Variants in RABEP1 observed in about 807,000 individuals in gnomAD.
RABEP1 encodes the protein rabaptin, RAB GTPase binding effector protein 1.
RABEP1 carries 51 observed loss-of-function variants against 123.4 expected under a neutral mutation model. The ratio of observed to expected loss-of-function variants is 0.41; its 90% CI spans 0.33 to 0.52. The LOEUF (loss-of-function observed/expected upper bound fraction) is 0.52. Ranked by LOEUF, RABEP1 falls within the 20% of genes least tolerant of loss-of-function variation. The probability of loss-of-function intolerance (pLI) is 0.16; values close to 1 mark genes in which losing one functional copy is unlikely to be tolerated. For synonymous variants in RABEP1, 347 were observed against 355.2 expected (o/e 0.98, Z 0.26); for missense variants, 888 against 996.3 (o/e 0.89, Z 1.46).
intron 11 of RABEP1, 58 bp from the exon 12 acceptor site, chr17:5,368,312 G>A: frequency 1.7e-6 from 2 of 1,170,202 alleles, no homozygotes; most frequent in South Asian, 1.3e-5. Context: ...AGATGGAAGA[G>A]TTAGTTTCAG....
intron 2 of RABEP1, among the ~76,000 whole-genome samples, chr17:5,327,153 G>A (rs1302206370): frequency 6.6e-6 from 1 of 152,124 alleles, no homozygotes; most frequent in Non-Finnish European, 1.5e-5. Flanking sequence ...TTCGAGATCA[G>A]CCTGGCCAAC....
chr17:5,371,843 T>C (rs1402958944), intron 12 of RABEP1, among the ~76,000 whole-genome samples: 1 of 152,198 alleles, frequency 6.6e-6, no homozygotes, highest in Non-Finnish European at 1.5e-5. Flanking sequence ...TCTCCTCTAT[T>C]GGACCATGAG....
rs775981279 is a variant in RABEP1 at position 5,383,162 on chromosome 17, G to A, written c.2528G>A (p.Arg843Lys). The part of the protein sequence containing the change: ...ERIRQADSLE[R>K]IRAILNDTKL... Reference sequence around the variant, plus strand: ...ATCCGGCAAGCTGACTCCTTGGAGAGAATCCGGGCAATTCTGAATGATACT... The same window carrying A: ...ATCCGGCAAGCTGACTCCTTGGAGAAAATCCGGGCAATTCTGAATGATACT... Residue 843 changes from arginine (R) to lysine (K), a missense_variant, in exon 18 of 18, where the codon AGA becomes AAA. Transcript: ENST00000537505. 2 of 1,614,168 alleles carry A rather than the reference G, an allele frequency of 1.2e-6. No individual in the cohort carries two copies. The highest frequency in any genetic ancestry group is 1.7e-6 in the Non-Finnish European group (2 of 1,180,022).
At chr17:5,367,815 T>C (rs1910189369) in intron 11 of RABEP1, among the ~76,000 whole-genome samples, 1 of 149,580 alleles carries the variant, frequency 6.7e-6, no homozygotes, top group Non-Finnish European at 1.5e-5. Flanking sequence ...GAGTACAGGG[T>C]GCGTTCTGGG....
At chr17:5,381,162 C>T (rs1405032859) in intron 16 of RABEP1, among the ~76,000 whole-genome samples, 2 of 152,096 alleles carry the variant, frequency 1.3e-5, no homozygotes, top group East Asian at 3.9e-4. Flanking sequence ...GCACTTTAAT[C>T]CATTTCTTCC....
rs573681165 is a variant in RABEP1, at chr17:5,360,808, A to T, written c.1096-400A>T. On this transcript the variant is annotated intron_variant, in intron 8 of 17. Transcript: ENST00000537505. ...GGGAATATCTCTGCTTGGATTCATGATAGGCACCTCGCGCTTGACACACGC... is the reference window on the plus strand; with the variant it reads ...GGGAATATCTCTGCTTGGATTCATGTTAGGCACCTCGCGCTTGACACACGC... Among the ~76,000 whole-genome samples, 10 of 152,236 alleles carry T rather than the reference A, an allele frequency of 6.6e-5. No homozygotes were observed. In the South Asian group the frequency reaches 2.1e-3, roughly 32 times the overall value.
chr17:5,330,125 G>C (rs1906391259), intron 2 of RABEP1, among the ~76,000 whole-genome samples: 2 of 152,060 alleles, frequency 1.3e-5, no homozygotes, highest in Non-Finnish European at 2.9e-5. Flanking sequence ...CACATTTTAT[G>C]AAACAGTTTA....
intron 17 of RABEP1, among the ~76,000 whole-genome samples, chr17:5,382,025 C>T (rs982260006): frequency 1.3e-5 from 2 of 152,028 alleles, no homozygotes; most frequent in Non-Finnish European, 2.9e-5. Flanking sequence ...CCTGTAATGA[C>T]ACAATGACAT....
chr17:5,365,593 T>C (rs1337301974), intron 11 of RABEP1, among the ~76,000 whole-genome samples: 1 of 151,962 alleles, frequency 6.6e-6, no homozygotes, highest in African/African-American at 2.4e-5. Flanking sequence ...CATATACAGA[T>C]ACACCAAACA....
At chr17:5,317,908 A>G (rs2075314014) in intron 2 of RABEP1, among the ~76,000 whole-genome samples, 1 of 152,190 alleles carries the variant, frequency 6.6e-6, no homozygotes, top group South Asian at 2.1e-4. Context: ...AAAGCCTCTA[A>G]TAACTAAAAA....
chr17:5,376,800 G>A (rs1260846364), intron 13 of RABEP1, among the ~76,000 whole-genome samples: 1 of 152,126 alleles, frequency 6.6e-6, no homozygotes, highest in Non-Finnish European at 1.5e-5. Flanking sequence ...TAATAGTAGA[G>A]GATTCTAAGG....
intron 2 of RABEP1, among the ~76,000 whole-genome samples, chr17:5,331,131 C>T (rs992645522): frequency 2.9e-5 from 4 of 139,426 alleles, no homozygotes; most frequent in African/African-American, 5.4e-5. Context: ...ATAAAATGCT[C>T]TTACAGATCA....
chr17:5,306,477 T>C (rs953645977), intron 1 of RABEP1, among the ~76,000 whole-genome samples: 4 of 151,716 alleles, frequency 2.6e-5, no homozygotes, highest in Admixed American at 6.6e-5. Context: ...AAAATACAAA[T>C]ATTAGCTGGG....
intron 17 of RABEP1, among the ~76,000 whole-genome samples, 197 bp from the exon 18 acceptor site, chr17:5,382,925 C>T (rs1314224329): frequency 6.9e-6 from 1 of 144,840 alleles, no homozygotes; most frequent in Non-Finnish European, 1.5e-5. Flanking sequence ...CAAAACTCTC[C>T]CCCCCAAAAA....
At chr17:5,299,578 C>T (rs62075063) in intron 1 of RABEP1, among the ~76,000 whole-genome samples, 94 of 149,672 alleles carry the variant, frequency 6.3e-4, no homozygotes, top group African/African-American at 2.2e-3. Context: ...CCTTATATTA[C>T]GTGGTTCTGA....
At chr17:5,367,396 T>G (rs150231236) in intron 11 of RABEP1, among the ~76,000 whole-genome samples, 14 of 150,538 alleles carry the variant, frequency 9.3e-5, no homozygotes, top group Admixed American at 7.9e-4. Flanking sequence ...CTCAGCCTCC[T>G]GAGTAGCTGG....
intron 16 of RABEP1, 90 bp from the exon 17 acceptor site, chr17:5,381,299 G>C: frequency 6.5e-7 from 1 of 1,540,898 alleles, no homozygotes; most frequent in Non-Finnish European, 8.7e-7. Context: ...CCACCTTTCT[G>C]CCCTAGTAGT....
intron 2 of RABEP1, among the ~76,000 whole-genome samples, chr17:5,325,759 C>T (rs1335348210): frequency 3.3e-5 from 5 of 151,280 alleles, no homozygotes; most frequent in African/African-American, 9.7e-5. Context: ...GATAGATACC[C>T]GAACTACACC....
intron 1 of RABEP1, among the ~76,000 whole-genome samples, chr17:5,297,624 T>G (rs1293301001): frequency 6.6e-6 from 1 of 152,196 alleles, no homozygotes; most frequent in Non-Finnish European, 1.5e-5. Context: ...TATTTTATGG[T>G]TTGGTTTGAA....
Sources: gnomAD v4.1 joint callset for allele counts (sites outside exome capture counted in the v4.1 genomes callset) on GRCh38, gnomAD v4.1.1 for gene constraint, MANE v1.5 for transcripts, NCBI Gene and HGNC (gene_info 2026-07-23, HGNC 2026-07-21) for gene names.